The following FHIP1A variants were observed in gnomAD, a reference collection of about 807,000 sequenced individuals.
The protein encoded by FHIP1A is FHF complex subunit HOOK interacting protein 1A.
In FHIP1A, 61 loss-of-function variants were observed where a neutral mutation model predicts 88.6. That is an observed-to-expected ratio of 0.69 (90% confidence interval 0.56 to 0.85). The LOEUF is 0.85. Among genes scored for constraint, FHIP1A ranks in the 40% least tolerant of loss-of-function variants. The pLI is 0.00. For missense variants in FHIP1A, 1,154 were observed against 1,273.5 expected, an observed-to-expected ratio of 0.91 and a Z score of 1.43; for synonymous variants, 478 against 496.0, an observed-to-expected ratio of 0.96 and a Z score of 0.48.
At chr4:151,660,538 A>C (rs1430960038) in intron 13 of FHIP1A, among the ~76,000 whole-genome samples, 1 of 152,246 alleles carries the variant, frequency 6.6e-6, no homozygotes, top group Non-Finnish European at 1.5e-5. Flanking sequence ...GCAAATGTTT[A>C]TTAGCTTCTG....
chr4:151,624,277 A>G (rs1450232473), intron 7 of FHIP1A, among the ~76,000 whole-genome samples: 2 of 152,198 alleles, frequency 1.3e-5, no homozygotes, highest in African/African-American at 4.8e-5. Context: ...AATTTGGGCC[A>G]GTTAAATGCA....
chr4:151,517,154 G>T (rs1192918021), intron 3 of FHIP1A, among the ~76,000 whole-genome samples: 4 of 152,098 alleles, frequency 2.6e-5, no homozygotes, highest in Non-Finnish European at 4.4e-5. Context: ...CCTTTGTAGG[G>T]ACATGGATGA....
intron 7 of FHIP1A, among the ~76,000 whole-genome samples, chr4:151,593,930 A>G (rs578227847): frequency 6.6e-6 from 1 of 152,296 alleles, no homozygotes; most frequent in African/African-American, 2.4e-5. Context: ...TTTGAGATAC[A>G]TTCCATCAGT....
intron 7 of FHIP1A, among the ~76,000 whole-genome samples, chr4:151,628,476 ACTAAT>A (rs1736034615): frequency 6.6e-6 from 1 of 152,220 alleles, no homozygotes; most frequent in Admixed American, 6.5e-5. Flanking sequence ...TGGTTTCTAA[ACTAAT>A]CTGTGGATTT....
intron 7 of FHIP1A, among the ~76,000 whole-genome samples, chr4:151,600,659 G>A (rs1334270658): frequency 6.6e-6 from 1 of 152,190 alleles, no homozygotes; most frequent in African/African-American, 2.4e-5. Context: ...GCTCTGCGAT[G>A]TCTGGGGCCT....
Position 151,412,617 on chromosome 4 carries a change from TCCCTCCCTC to T in FHIP1A, c.-356+3155_-356+3163del, listed in dbSNP as rs1561484138. On this transcript the variant is annotated intron_variant, in intron 1 of 13. Coordinates refer to ENST00000435205, the MANE Select transcript of FHIP1A (RefSeq NM_001109977.3). The stretch of plus-strand genomic sequence containing the variant: ...CTTCCTTCCTTCCTTCCTTCCTCCC[TCCCTCCCTC>T]CCTCCCTCCCTCCCTCCCTGCCTCC... 2.4e-4 allele frequency among the ~76,000 whole-genome samples: 28 copies of T among 116,252 alleles called. No homozygotes were observed. The South Asian group carries it at 2.6e-3, about 11-fold the overall frequency. 76.3% of individuals were successfully genotyped at this position (116,252 alleles called of 152,430 possible). A position where few individuals can be genotyped will look rare whatever the true frequency, so the allele number is the denominator to read the frequency against.
At chr4:151,476,795 G>A (rs868444215) in intron 2 of FHIP1A, among the ~76,000 whole-genome samples, 4 of 152,138 alleles carry the variant, frequency 2.6e-5, no homozygotes, top group Non-Finnish European at 4.4e-5. Context: ...ATCTATAAAT[G>A]TGCCTGGATA....
chr4:151,425,104 T>C (rs929847913), intron 1 of FHIP1A, among the ~76,000 whole-genome samples: 1 of 152,174 alleles, frequency 6.6e-6, no homozygotes, highest in African/African-American at 2.4e-5. Context: ...ACATGCCTCT[T>C]AATTGGATAC....
intron 4 of FHIP1A, among the ~76,000 whole-genome samples, chr4:151,574,589 T>C (rs1288263967): frequency 6.6e-6 from 1 of 152,076 alleles, no homozygotes; most frequent in African/African-American, 2.4e-5. Flanking sequence ...TCTTAAGAGA[T>C]CTCTAATTGT....
intron 3 of FHIP1A, among the ~76,000 whole-genome samples, chr4:151,502,471 G>C (rs1730689036): frequency 6.6e-6 from 1 of 152,172 alleles, no homozygotes; most frequent in Non-Finnish European, 1.5e-5. Context: ...AAGAACTGAA[G>C]TGAAAAATTC....
intron 6 of FHIP1A, among the ~76,000 whole-genome samples, chr4:151,587,548 G>T (rs1734267025): frequency 1.4e-5 from 2 of 144,646 alleles, no homozygotes; most frequent in Admixed American, 7.0e-5. Flanking sequence ...TTAAGTTTTA[G>T]GATACATGTG....
intron 1 of FHIP1A, among the ~76,000 whole-genome samples, chr4:151,418,578 C>T (rs910619869): frequency 2.6e-5 from 4 of 152,214 alleles, no homozygotes; most frequent in African/African-American, 9.6e-5. Context: ...GTCTGGCTAA[C>T]TCAACCTGCT....
chr4:151,585,874 A>C (rs984503210), intron 5 of FHIP1A, among the ~76,000 whole-genome samples: 1 of 152,062 alleles, frequency 6.6e-6, no homozygotes, highest in Non-Finnish European at 1.5e-5. Context: ...TCATGGTTAG[A>C]TCACCCTCAT....
chr4:151,443,216 T>C (rs1728471957), intron 1 of FHIP1A, among the ~76,000 whole-genome samples: 1 of 152,156 alleles, frequency 6.6e-6, no homozygotes, highest in South Asian at 2.1e-4. Flanking sequence ...GACGATCACT[T>C]GAGCCCAGGA....
chr4:151,512,876 G>A (rs11099820), intron 3 of FHIP1A, among the ~76,000 whole-genome samples: 1 of 151,962 alleles, frequency 6.6e-6, no homozygotes. Context: ...GGAAAACACT[G>A]TGCAGGATAT....
rs563354449 is a variant in FHIP1A at position 151,557,311 on chromosome 4, G to A, written c.-122-8827G>A. ...GGAACCTTGTCTATTCTTGCTCATT[G>A]TTTTCTACCTGAAGCACCAACTCTA... On this transcript the variant is annotated intron_variant, in intron 3 of 13. Coordinates refer to ENST00000435205, the MANE Select transcript of FHIP1A (RefSeq NM_001109977.3). Among the ~76,000 whole-genome samples, 793 of 152,276 alleles carry A rather than the reference G, an allele frequency of 5.2e-3. 4 individuals carry two copies. Among genetic ancestry groups the A allele is most frequent in the Non-Finnish European group, 7.9e-3 (537 of 68,008 alleles).
intron 3 of FHIP1A, among the ~76,000 whole-genome samples, chr4:151,513,430 A>G (rs1307691121): frequency 2.0e-5 from 3 of 152,256 alleles, no homozygotes; most frequent in African/African-American, 4.8e-5. Flanking sequence ...TCATAATGAC[A>G]GGATCAAATT....
At chr4:151,441,252 G>A (rs1728400978) in intron 1 of FHIP1A, among the ~76,000 whole-genome samples, 1 of 151,452 alleles carries the variant, frequency 6.6e-6, no homozygotes, top group Non-Finnish European at 1.5e-5. Flanking sequence ...TTGACTTAAA[G>A]TAAGTGCATT....
chr4:151,482,806 C>G (rs148149609), intron 3 of FHIP1A, among the ~76,000 whole-genome samples, 158 bp downstream of exon 3: 1 of 152,074 alleles, frequency 6.6e-6, no homozygotes, highest in Non-Finnish European at 1.5e-5. Context: ...ACTCTATCCT[C>G]TATGTGAAGC....
Sources: gnomAD v4.1 joint callset for allele counts (sites outside exome capture counted in the v4.1 genomes callset) on GRCh38, gnomAD v4.1.1 for gene constraint, MANE v1.5 for transcripts, NCBI Gene and HGNC (gene_info 2026-07-23, HGNC 2026-07-21) for gene names.